Variants in GPR139 observed in about 807,000 individuals in gnomAD.
GPR139 encodes G protein-coupled receptor 139.
A neutral mutation model predicts 25.8 loss-of-function variants in GPR139; 12 were observed. That is an observed-to-expected ratio of 0.47 (90% confidence interval 0.30 to 0.75). GPR139 has a LOEUF of 0.75. GPR139 is among the 30% of genes least tolerant of loss of function. The pLI, the probability that GPR139 is intolerant of heterozygous loss-of-function variation, is 0.07. For synonymous variants in GPR139, 184 were observed against 179.9 expected (o/e 1.02, Z -0.18); for missense variants, 380 against 450.2 (o/e 0.84, Z 1.41).
intron 1 of GPR139, among the ~76,000 whole-genome samples, chr16:20,041,918 T>C (rs938843455): frequency 1.3e-5 from 2 of 152,174 alleles, no homozygotes; most frequent in African/African-American, 4.8e-5. Flanking sequence ...CTTGGGAGGA[T>C]GGCTTTCTGG....
rs2057289696 is a variant in GPR139 at position 20,031,763 on chromosome 16, T to C, written c.1034A>G (p.Asn345Ser). ...CGGGGATACTTTTATAGGTTTTCCA[T>C]TTTTGTCATACTGGTACACCAGCAT... ...IKMLVYQYDK[N>S]GKPIKVSP Residue 345 changes from asparagine (N) to serine (S), a missense_variant, in exon 2 of 2, where the codon AAT becomes AGT. Asn to Ser is a conservative substitution (Grantham distance 46). Coordinates refer to ENST00000570682, the MANE Select transcript of GPR139 (RefSeq NM_001002911.4). The C allele has an allele frequency of 3.7e-6, 6 of 1,613,974 alleles. No individual in the cohort carries two copies. In the South Asian group the frequency reaches 6.6e-5, roughly 18 times the overall value.
intron 1 of GPR139, among the ~76,000 whole-genome samples, chr16:20,058,054 A>G (rs943782524): frequency 2.6e-5 from 4 of 152,154 alleles, no homozygotes; most frequent in Admixed American, 1.3e-4. Flanking sequence ...TCTACTAGGA[A>G]AGCCTTGTCA....
rs968890219 is a variant in GPR139 at position 20,030,618 on chromosome 16, G to A, written c.*1117C>T. Among the ~76,000 whole-genome samples, 2 of 152,186 alleles carry A rather than the reference G, an allele frequency of 1.3e-5. No homozygotes were observed. The highest frequency in any genetic ancestry group is 1.3e-4 in the Admixed American group (2 of 15,280). ...TGGCACCCCCTTTTGAGCCATGTGC[G>A]TCAAAGGGCAGACGAGGCGTCAGCA... is the stretch of plus-strand genomic sequence containing the variant. On this transcript the variant is annotated 3_prime_UTR_variant, in exon 2 of 2. Coordinates refer to ENST00000570682, the MANE Select transcript of GPR139 (RefSeq NM_001002911.4).
intron 1 of GPR139, among the ~76,000 whole-genome samples, chr16:20,035,529 G>T (rs972478315): frequency 2.0e-5 from 3 of 152,218 alleles, no homozygotes; most frequent in Admixed American, 6.5e-5. Context: ...GAACAAAATA[G>T]ACATGGTCTG....
rs192197019 is a variant in GPR139, at chr16:20,065,377, G to T, written c.127+8113C>A. ...CTCAGTCCCTATCTTTCCTGTTGTG[G>T]TCACTCCCACTTCTCTCGACCTGGT... On this transcript the variant is annotated intron_variant, in intron 1 of 1. Coordinates refer to ENST00000570682, the MANE Select transcript of GPR139 (RefSeq NM_001002911.4). 3.3e-5 allele frequency among the ~76,000 whole-genome samples: 5 copies of T among 152,214 alleles called. No homozygotes were observed. The East Asian group carries it at 9.6e-4, about 29-fold the overall frequency.
chr16:20,048,686 T>G (rs564178759), intron 1 of GPR139, among the ~76,000 whole-genome samples: 6 of 152,302 alleles, frequency 3.9e-5, no homozygotes, highest in South Asian at 4.1e-4. Context: ...GGTCTTCCAG[T>G]GTTTCAGGAG....
intron 1 of GPR139, among the ~76,000 whole-genome samples, chr16:20,038,369 G>GTGTATA (rs4028367): frequency 1.4e-4 from 19 of 133,136 alleles, no homozygotes; most frequent in African/African-American, 4.6e-4. Context: ...GTGTGTGTGT[G>GTGTATA]TATTCTATAG....
At chr16:20,062,941 C>G (rs186183700) in intron 1 of GPR139, among the ~76,000 whole-genome samples, 1 of 152,054 alleles carries the variant, frequency 6.6e-6, no homozygotes, top group Non-Finnish European at 1.5e-5. Flanking sequence ...AAATTTTCAT[C>G]GGAAGTCTCT....
intron 1 of GPR139, among the ~76,000 whole-genome samples, chr16:20,049,262 G>C (rs148095992): frequency 6.6e-6 from 1 of 152,128 alleles, no homozygotes; most frequent in Non-Finnish European, 1.5e-5. Context: ...ACTCCCCAAG[G>C]CTCTCTCTGT....
chr16:20,073,401 G>A lies in GPR139; in HGVS notation c.127+89C>T. The A allele has an allele frequency of 6.5e-7, 1 of 1,540,466 alleles. No individual in the cohort carries two copies. Among genetic ancestry groups the A allele is most frequent in the Non-Finnish European group, 8.8e-7 (1 of 1,138,280 alleles). Reference sequence around the variant, plus strand: ...AAACTTTTTCCGAGGGGGCGCCAGGGAACGCACGGGGGAGGACGGGGGATT... The same window carrying A: ...AAACTTTTTCCGAGGGGGCGCCAGGAAACGCACGGGGGAGGACGGGGGATT... On this transcript the variant is annotated intron_variant, in intron 1 of 1. Transcript: ENST00000570682. The surrounding 1 kb of genome is among the most constrained non-coding windows in gnomAD (Gnocchi z 4.7).
intron 1 of GPR139, among the ~76,000 whole-genome samples, chr16:20,034,185 T>C (rs1374195139): frequency 6.6e-6 from 1 of 152,196 alleles, no homozygotes; most frequent in Non-Finnish European, 1.5e-5. Context: ...ATTCCTTGTC[T>C]GAGGTCCAGT....
intron 1 of GPR139, among the ~76,000 whole-genome samples, chr16:20,065,408 T>G (rs12933338): frequency 0.36 from 55,326 of 151,866 alleles, 10,454 homozygotes; most frequent in East Asian, 0.54. Flanking sequence ...CTGGTCTGAA[T>G]GTTGGTTATC....
At chr16:20,034,761 A>T (rs2057304119) in intron 1 of GPR139, among the ~76,000 whole-genome samples, 3 of 152,146 alleles carry the variant, frequency 2.0e-5, no homozygotes, top group African/African-American at 7.2e-5. Context: ...GTCATTCAAC[A>T]TTGTATTTTT....
intron 1 of GPR139, among the ~76,000 whole-genome samples, chr16:20,051,252 A>C (rs562810482): frequency 6.6e-6 from 1 of 152,304 alleles, no homozygotes; most frequent in Admixed American, 6.5e-5. Flanking sequence ...ATTTTACAAG[A>C]GACAGCAGAA....
chr16:20,068,042 AT>A (rs2057442652), intron 1 of GPR139, among the ~76,000 whole-genome samples: 1 of 151,936 alleles, frequency 6.6e-6, no homozygotes, highest in Non-Finnish European at 1.5e-5. Context: ...CATAATTGAT[AT>A]TTTCTCGGAT....
Position 20,033,763 on chromosome 16 carries a change from A to G in GPR139, c.128-1094T>C, listed in dbSNP as rs182528575. Among the ~76,000 whole-genome samples, 8 of 152,224 alleles carry G rather than the reference A, an allele frequency of 5.3e-5. No homozygotes were observed. The East Asian group carries it at 1.2e-3, about 22-fold the overall frequency. Reference sequence around the variant, plus strand: ...TTCTACTCTTATTCTCCAATCATCAAAGTTCCCCTCCCTCAGGGAAATTAC... The same window carrying G: ...TTCTACTCTTATTCTCCAATCATCAGAGTTCCCCTCCCTCAGGGAAATTAC... On this transcript the variant is annotated intron_variant, in intron 1 of 1. Transcript: ENST00000570682.
At position 20,062,626 on chromosome 16, in the gene GPR139, A is replaced by T. The variant is rs76019555; in HGVS notation, c.127+10864T>A. Among the ~76,000 whole-genome samples, 23 of 152,310 alleles carry T rather than the reference A, an allele frequency of 1.5e-4. 1 individual carries two copies. The East Asian group carries it at 4.4e-3, about 29-fold the overall frequency. On this transcript the variant is annotated intron_variant, in intron 1 of 1. Coordinates refer to ENST00000570682, the MANE Select transcript of GPR139 (RefSeq NM_001002911.4). ...GCTGCATTCTTGTGTCACGAGTACT[A>T]TCATTTATTTAGCATTTTGTTTGAA...
chr16:20,031,627 C>T lies in GPR139; in HGVS notation c.*108G>A. ...TGAGAATTGCCCAGTCTGCGGGAGA[C>T]AGGAAATCGGATTAGCACTCTTAAG... On this transcript the variant is annotated 3_prime_UTR_variant, in exon 2 of 2. Coordinates refer to ENST00000570682, the MANE Select transcript of GPR139 (RefSeq NM_001002911.4). 1 of 814,482 alleles carries T rather than the reference C, an allele frequency of 1.2e-6. No individual in the cohort carries two copies. Among genetic ancestry groups the T allele is most frequent in the Non-Finnish European group, 2.0e-6 (1 of 487,990 alleles). The allele number at this position is 814,482 out of a possible 1,614,324, so 50.5% of individuals were successfully genotyped here.
intron 1 of GPR139, among the ~76,000 whole-genome samples, chr16:20,053,063 A>G (rs2057377920): frequency 6.6e-6 from 1 of 152,080 alleles, no homozygotes; most frequent in African/African-American, 2.4e-5. Flanking sequence ...CTTGCTTTGA[A>G]GGTAGATGTT....
Sources: allele counts gnomAD v4.1 joint callset (sites outside exome capture counted in the v4.1 genomes callset), GRCh38; gene constraint gnomAD v4.1.1; non-coding constraint Gnocchi (gnomAD v3.1); transcripts MANE v1.5; gene names NCBI Gene and HGNC (gene_info 2026-07-23, HGNC 2026-07-21).